KSR2: variants seen among roughly 807,000 people sequenced by gnomAD.
KSR2 encodes kinase suppressor of ras 2.
A neutral mutation model predicts 107.8 loss-of-function variants in KSR2; 25 were observed. The observed-to-expected ratio is 0.23, with a 90% confidence interval of 0.17 to 0.32. The LOEUF (loss-of-function observed/expected upper bound fraction) is 0.32, where lower values mean the gene tolerates loss of function less well. KSR2 is among the 10% of genes least tolerant of loss of function. The pLI, the probability that KSR2 is intolerant of heterozygous loss-of-function variation, is 1.00. For missense variants in KSR2, 887 were observed against 1,268.9 expected (o/e 0.70, Z 4.57); for synonymous variants, 480 against 507.0 (o/e 0.95, Z 0.71).
At chr12:117,632,948 A>G (rs1027892994) in intron 5 of KSR2, among the ~76,000 whole-genome samples, 4 of 152,130 alleles carry the variant, frequency 2.6e-5, no homozygotes, top group Non-Finnish European at 5.9e-5. Flanking sequence ...GCTGATGGGC[A>G]TTGAGGTGGA....
At chr12:117,473,628 G>A (rs181283102) in intron 17 of KSR2, among the ~76,000 whole-genome samples, 12 of 152,314 alleles carry the variant, frequency 7.9e-5, no homozygotes, top group Admixed American at 5.9e-4. Context: ...CATGTGAAAC[G>A]GGGAAGGGTG....
At chr12:117,755,854 G>A (rs631973) in intron 4 of KSR2, among the ~76,000 whole-genome samples, 84,806 of 152,070 alleles carry the variant, frequency 0.56, 23,916 homozygotes, top group South Asian at 0.68. Flanking sequence ...TGCTATTCCC[G>A]TGAGCACATG....
intron 1 of KSR2, among the ~76,000 whole-genome samples, chr12:117,894,384 G>T (rs1396736487): frequency 4.6e-5 from 7 of 152,058 alleles, no homozygotes; most frequent in African/African-American, 1.7e-4. Flanking sequence ...ATATTATATG[G>T]CTGGGCACAG....
At chr12:117,895,130 G>A (rs746837611) in intron 1 of KSR2, among the ~76,000 whole-genome samples, 2 of 152,022 alleles carry the variant, frequency 1.3e-5, no homozygotes, top group East Asian at 1.9e-4. Flanking sequence ...CCAGCTACTC[G>A]GGAGGCTGAG....
Position 117,476,739 on chromosome 12 carries a change from C to T in KSR2, c.2451-144G>A, listed in dbSNP as rs1188208820. 3 of 793,660 alleles carry T rather than the reference C, an allele frequency of 3.8e-6. No homozygotes were observed. In the Admixed American group the frequency reaches 1.0e-4, roughly 27 times the overall value. The allele number at this position is 793,660 out of a possible 1,614,324, so 49.2% of individuals were successfully genotyped here. Reference sequence around the variant, plus strand: ...GCACTGCCTGACCACCTACTGGAGGCCGAGACCCAGTAGTAGGTGCAGGGA... The same window carrying T: ...GCACTGCCTGACCACCTACTGGAGGTCGAGACCCAGTAGTAGGTGCAGGGA... On this transcript the variant is annotated intron_variant, in intron 16 of 19. Coordinates refer to ENST00000339824, the MANE Select transcript of KSR2 (RefSeq NM_173598.6).
chr12:117,869,004 C>T (rs1185757088), intron 1 of KSR2, among the ~76,000 whole-genome samples: 6 of 152,022 alleles, frequency 3.9e-5, no homozygotes, highest in Admixed American at 6.5e-5. Context: ...CCTCCCACCT[C>T]GGCCTCCCAA....
intron 1 of KSR2, among the ~76,000 whole-genome samples, chr12:117,892,080 C>T (rs577778381): frequency 1.3e-5 from 2 of 151,984 alleles, no homozygotes; most frequent in South Asian, 2.1e-4. Flanking sequence ...AAGTGGGTCA[C>T]CTGAAGGTAG....
chr12:117,555,231 G>C lies in KSR2; in HGVS notation c.1456C>G (p.Pro486Ala), dbSNP rs1317621112. Reference sequence around the variant, plus strand: ...ATGTGCAGGTCTGAATAGCGAGGTGGCTTCCGTAGAGGGTTGTTGATGTCA... The same window carrying C: ...ATGTGCAGGTCTGAATAGCGAGGTGCCTTCCGTAGAGGGTTGTTGATGTCA... Reference protein sequence around the residue: ...PCDINNPLRKPPRYSDLHISQ... With the variant: ...PCDINNPLRKAPRYSDLHISQ... Residue 486 changes from proline to alanine, a missense_variant, in exon 9 of 20, where the codon CCA (proline) becomes GCA (alanine). Pro to Ala is a conservative substitution (Grantham distance 27, BLOSUM62 -1). This residue lies in a region of KSR2 where 60 missense variants were observed against 77.5 expected (regional missense o/e 0.77). Transcript: ENST00000339824. The C allele has an allele frequency of 6.2e-7, 1 of 1,613,798 alleles. No individual in the cohort carries two copies. The highest frequency in any genetic ancestry group is 1.7e-5 in the Admixed American group (1 of 60,022).
intron 7 of KSR2, among the ~76,000 whole-genome samples, chr12:117,569,281 G>C (rs1017674424): frequency 1.3e-5 from 2 of 152,182 alleles, no homozygotes; most frequent in Non-Finnish European, 2.9e-5. Flanking sequence ...CTTGGATTTT[G>C]ATGTGTACAA....
chr12:117,927,729 G>C (rs1895573688), intron 1 of KSR2, among the ~76,000 whole-genome samples: 1 of 152,032 alleles, frequency 6.6e-6, no homozygotes, highest in East Asian at 1.9e-4. Context: ...GCCTTTCCTA[G>C]GCACCCACTA....
intron 1 of KSR2, among the ~76,000 whole-genome samples, chr12:117,910,735 G>C (rs1216034256): frequency 3.3e-5 from 5 of 152,186 alleles, no homozygotes. Context: ...GAGTGCTGGA[G>C]TATGTTGCTT....
At chr12:117,798,370 C>T (rs1032851889) in intron 3 of KSR2, among the ~76,000 whole-genome samples, 9 of 152,212 alleles carry the variant, frequency 5.9e-5, no homozygotes, top group East Asian at 1.9e-4. Flanking sequence ...TGGTGGCTCA[C>T]GCCTGTCATC....
chr12:117,692,702 A>G (rs1404382614), intron 4 of KSR2, among the ~76,000 whole-genome samples: 4 of 152,052 alleles, frequency 2.6e-5, no homozygotes, highest in Non-Finnish European at 5.9e-5. Context: ...ATATCCACAC[A>G]ATGGAATATT....
intron 14 of KSR2, among the ~76,000 whole-genome samples, chr12:117,491,474 C>T (rs1445538008): frequency 6.6e-6 from 1 of 152,242 alleles, no homozygotes; most frequent in Non-Finnish European, 1.5e-5. Context: ...GCCACTGCCC[C>T]TGGCTGGTAT....
chr12:117,515,659 C>T (rs1158349661), intron 14 of KSR2, among the ~76,000 whole-genome samples: 1 of 152,202 alleles, frequency 6.6e-6, no homozygotes, highest in Admixed American at 6.5e-5. Context: ...GGCACGGTGG[C>T]TCACGCCTGT....
intron 7 of KSR2, among the ~76,000 whole-genome samples, chr12:117,559,331 T>C (rs1877947043): frequency 6.6e-6 from 1 of 152,202 alleles, no homozygotes; most frequent in African/African-American, 2.4e-5. Flanking sequence ...CTTCACGTTT[T>C]AAAAAATATC....
At chr12:117,951,523 T>C (rs1015332752) in intron 1 of KSR2, among the ~76,000 whole-genome samples, 1 of 152,100 alleles carries the variant, frequency 6.6e-6, no homozygotes, top group Non-Finnish European at 1.5e-5. Context: ...CACATGACTA[T>C]TTCTGATTGG....
chr12:117,900,608 AT>A (rs1330632049), intron 1 of KSR2, among the ~76,000 whole-genome samples: 34 of 152,354 alleles, frequency 2.2e-4, no homozygotes, highest in African/African-American at 7.9e-4. Flanking sequence ...GTTAATTACT[AT>A]TAATTGGGTT....
intron 14 of KSR2, among the ~76,000 whole-genome samples, chr12:117,497,076 C>T (rs1237606063): frequency 6.6e-6 from 1 of 151,904 alleles, no homozygotes; most frequent in African/African-American, 2.4e-5. Context: ...CAGGGTATCA[C>T]CATGTTGTCC....
Sources: allele counts gnomAD v4.1 joint callset (sites outside exome capture counted in the v4.1 genomes callset), GRCh38; gene constraint gnomAD v4.1.1; regional missense constraint gnomAD v4.1.1; transcripts MANE v1.5; gene names NCBI Gene and HGNC (gene_info 2026-07-23, HGNC 2026-07-21).